HPSE2: variants seen among roughly 807,000 people sequenced by gnomAD.
HPSE2 encodes inactive heparanase-2.
In HPSE2, 38 loss-of-function variants were observed where a neutral mutation model predicts 60.5. The ratio of observed to expected loss-of-function variants is 0.63; its 90% CI spans 0.48 to 0.82. HPSE2 has a LOEUF of 0.82. Among genes scored for constraint, HPSE2 ranks in the 40% least tolerant of loss-of-function variants. The probability of loss-of-function intolerance (pLI) is 0.00; values close to 1 mark genes in which losing one functional copy is unlikely to be tolerated. For synonymous variants in HPSE2, 295 were observed against 293.2 expected (o/e 1.01, Z -0.06); for missense variants, 713 against 740.4 (o/e 0.96, Z 0.43).
intron 3 of HPSE2, among the ~76,000 whole-genome samples, chr10:98,911,547 A>G (rs1953979161): frequency 6.6e-6 from 1 of 152,156 alleles, no homozygotes; most frequent in East Asian, 1.9e-4. Flanking sequence ...AAGCATTCAC[A>G]TAATACCACC....
At chr10:99,296,555 G>A in the HPSE2 span, among the ~76,000 whole-genome samples, 13 of 151,340 alleles carry the variant, frequency 8.6e-5, no homozygotes, top group South Asian at 8.3e-4. Flanking sequence ...TGCTCTGCAG[G>A]AGCAGTCACA....
At chr10:98,749,947 T>TATATATAC in intron 3 of HPSE2, among the ~76,000 whole-genome samples, 1,567 of 98,420 alleles carry the variant, frequency 0.016, 33 homozygotes, top group African/African-American at 0.046. Context: ...TATATATATA[T>TATATATAC]ACACACACAC....
chr10:98,672,644 C>T (rs770848922), intron 6 of HPSE2, among the ~76,000 whole-genome samples: 7 of 152,268 alleles, frequency 4.6e-5, no homozygotes, highest in South Asian at 2.1e-4. Flanking sequence ...GGAGAACAAA[C>T]GTCTATCAGA....
chr10:98,809,467 G>T (rs1951118229), intron 3 of HPSE2, among the ~76,000 whole-genome samples: 1 of 152,010 alleles, frequency 6.6e-6, no homozygotes, highest in African/African-American at 2.4e-5. Flanking sequence ...ATAGCAACTT[G>T]ATAAACAATA....
At chr10:98,702,127 T>C (rs552061353) in intron 5 of HPSE2, among the ~76,000 whole-genome samples, 3 of 151,898 alleles carry the variant, frequency 2.0e-5, no homozygotes, top group Non-Finnish European at 4.4e-5. Context: ...ACCAAGCAAA[T>C]GGAACACTCA....
chr10:99,178,491 C>A (rs1488006588), intron 2 of HPSE2, among the ~76,000 whole-genome samples: 1 of 145,858 alleles, frequency 6.9e-6, no homozygotes, highest in Admixed American at 7.1e-5. Context: ...ACTATAAACA[C>A]CTCTACGCAA....
At chr10:98,801,537 T>C (rs1054067178) in intron 3 of HPSE2, among the ~76,000 whole-genome samples, 1 of 152,070 alleles carries the variant, frequency 6.6e-6, no homozygotes, top group Non-Finnish European at 1.5e-5. Flanking sequence ...AAACCAGTAG[T>C]ATTTCTATAT....
intron 3 of HPSE2, among the ~76,000 whole-genome samples, chr10:98,765,398 A>C (rs183213332): frequency 6.6e-6 from 1 of 152,344 alleles, no homozygotes; most frequent in East Asian, 1.9e-4. Context: ...AACTACTGCT[A>C]TAAGTTACTT....
intron 3 of HPSE2, among the ~76,000 whole-genome samples, chr10:99,025,430 C>G (rs1957355654): frequency 6.6e-6 from 1 of 152,026 alleles, no homozygotes; most frequent in Non-Finnish European, 1.5e-5. Flanking sequence ...TTCACAATAG[C>G]AAGGACATGG....
intron 2 of HPSE2, among the ~76,000 whole-genome samples, chr10:99,150,847 A>C (rs1230723561): frequency 6.6e-6 from 1 of 152,160 alleles, no homozygotes; most frequent in Non-Finnish European, 1.5e-5. Flanking sequence ...AGACCTAAAA[A>C]ATGCCACAAA....
At chr10:99,216,641 T>C (rs1048932738) in intron 2 of HPSE2, among the ~76,000 whole-genome samples, 1 of 152,238 alleles carries the variant, frequency 6.6e-6, no homozygotes, top group South Asian at 2.1e-4. Flanking sequence ...ATTTCTACTA[T>C]ATCATTATCT....
chr10:99,214,379 A>T (rs912426585), intron 2 of HPSE2, among the ~76,000 whole-genome samples: 6 of 152,242 alleles, frequency 3.9e-5, no homozygotes, highest in African/African-American at 1.4e-4. Flanking sequence ...AAGGGAAAAC[A>T]TATGTCCATA....
At chr10:99,027,701 ACC>A (rs1957410527) in intron 3 of HPSE2, among the ~76,000 whole-genome samples, 1 of 147,516 alleles carries the variant, frequency 6.8e-6, no homozygotes, top group Non-Finnish European at 1.5e-5. Flanking sequence ...CACCACCACC[ACC>A]ACCACCACCA....
chr10:98,842,284 T>C (rs2134695488), intron 3 of HPSE2, among the ~76,000 whole-genome samples: 1 of 152,248 alleles, frequency 6.6e-6, no homozygotes, highest in Non-Finnish European at 1.5e-5. Flanking sequence ...GAGTAGGTCT[T>C]CAGAAGATAC....
the HPSE2 span, among the ~76,000 whole-genome samples, chr10:99,299,662 A>G: frequency 1.3e-5 from 2 of 152,160 alleles, no homozygotes; most frequent in Non-Finnish European, 2.9e-5. Context: ...CCTCAGTGGG[A>G]TTACCAGAGA....
At chr10:98,778,361 C>G (rs1950393328) in intron 3 of HPSE2, among the ~76,000 whole-genome samples, 2 of 151,160 alleles carry the variant, frequency 1.3e-5, no homozygotes, top group South Asian at 2.1e-4. Context: ...AACTAGGTTT[C>G]TCTTACGAAG....
At chr10:98,865,053 A>C (rs1426166414) in intron 3 of HPSE2, among the ~76,000 whole-genome samples, 4 of 152,128 alleles carry the variant, frequency 2.6e-5, no homozygotes, top group Non-Finnish European at 4.4e-5. Context: ...CACAAGAGAC[A>C]GATGCATAAA....
intron 3 of HPSE2, among the ~76,000 whole-genome samples, chr10:99,122,331 A>G (rs748871164): frequency 3.3e-5 from 5 of 152,032 alleles, no homozygotes; most frequent in East Asian, 1.9e-4. Context: ...CTATTTTTCA[A>G]TCTTCTTTTG....
At chr10:98,524,997 T>C (rs928008697) in intron 9 of HPSE2, among the ~76,000 whole-genome samples, 3 of 152,244 alleles carry the variant, frequency 2.0e-5, no homozygotes, top group African/African-American at 7.2e-5. Context: ...CTTTACATTT[T>C]GGGACCTTTA....
Sources: allele counts gnomAD v4.1 joint callset (sites outside exome capture counted in the v4.1 genomes callset), GRCh38; gene constraint gnomAD v4.1.1; transcripts MANE v1.5; gene names NCBI Gene and HGNC (gene_info 2026-07-23, HGNC 2026-07-21).